UGT1A6: variants seen among roughly 807,000 people sequenced by gnomAD.
UGT1A6 encodes UDP-glucuronosyltransferase 1A6.
A neutral mutation model predicts 44.4 loss-of-function variants in UGT1A6; 32 were observed. The ratio of observed to expected loss-of-function variants is 0.72; its 90% CI spans 0.54 to 0.97. UGT1A6 has a LOEUF of 0.97. Among genes scored for constraint, UGT1A6 ranks in the 50% least tolerant of loss-of-function variants. UGT1A6 has a pLI of 0.00. For missense variants in UGT1A6, 685 were observed against 661.9 expected (o/e 1.03, Z -0.38); for synonymous variants, 238 against 248.5 (o/e 0.96, Z 0.40).
At chr2:233,694,006 G>A in intron 1 of UGT1A6, 141 bp downstream of exon 1, 1 of 1,466,280 alleles carries the variant, frequency 6.8e-7, no homozygotes, top group Non-Finnish European at 9.2e-7. Flanking sequence ...GCTCGGAGCA[G>A]CGGGAACACA....
intron 1 of UGT1A6, among the ~76,000 whole-genome samples, chr2:233,746,102 A>G (rs1005721725): frequency 1.5e-4 from 23 of 151,842 alleles, no homozygotes; most frequent in African/African-American, 5.4e-4. Flanking sequence ...ACATGTCCAG[A>G]GTGCTTACTG....
intron 1 of UGT1A6, among the ~76,000 whole-genome samples, chr2:233,763,104 C>A (rs548930615): frequency 6.6e-6 from 1 of 152,314 alleles, no homozygotes; most frequent in East Asian, 1.9e-4. Flanking sequence ...AGGCACCGAA[C>A]TTTATCAGCT....
At chr2:233,720,640 G>A (rs1212393027) in intron 1 of UGT1A6, among the ~76,000 whole-genome samples, 3 of 151,716 alleles carry the variant, frequency 2.0e-5, no homozygotes, top group Non-Finnish European at 4.4e-5. Context: ...TAGTACTCTG[G>A]GATGTGAAAA....
intron 1 of UGT1A6, among the ~76,000 whole-genome samples, chr2:233,739,420 AG>A (rs1432310727): frequency 3.3e-5 from 5 of 152,220 alleles, no homozygotes; most frequent in African/African-American, 1.2e-4. Flanking sequence ...GAAAGCAGCC[AG>A]GACGAGGGCT....
intron 1 of UGT1A6, among the ~76,000 whole-genome samples, chr2:233,720,156 G>A (rs547433908): frequency 5.6e-4 from 86 of 152,302 alleles, no homozygotes; most frequent in Non-Finnish European, 7.8e-4. Context: ...ACAGGAAGTA[G>A]AAGTGTCAAA....
At chr2:233,692,743 A>G, upstream of UGT1A6, 1 of 1,050,164 alleles carries the variant, frequency 9.5e-7, no homozygotes, top group Non-Finnish European at 1.3e-6. Context: ...GAGAGGGAGA[A>G]GCAGACTTGT....
chr2:233,715,087 T>C (rs2076431912), intron 1 of UGT1A6, among the ~76,000 whole-genome samples: 1 of 152,132 alleles, frequency 6.6e-6, no homozygotes, highest in Non-Finnish European at 1.5e-5. Context: ...AGTTTCATCA[T>C]ATTGGCCAGG....
In UGT1A6 at chr2:233,716,181, C is replaced by G. The variant is rs375271371; in HGVS notation, c.861+22316C>G. Among the ~76,000 whole-genome samples the G allele has an allele frequency of 1.4e-4, 21 of 152,300 alleles. No homozygotes were observed. In the East Asian group the frequency reaches 3.9e-3, roughly 28 times the overall value. On this transcript the variant is annotated intron_variant, in intron 1 of 4. Transcript: ENST00000305139. Reference sequence around the variant, plus strand: ...GAGATGCAGTGCAGCATCTTCAAGTCTCTAATTCTTACATCTGTCTCTTTC... The same window carrying G: ...GAGATGCAGTGCAGCATCTTCAAGTGTCTAATTCTTACATCTGTCTCTTTC...
intron 1 of UGT1A6, chr2:233,718,043 G>A (rs1022101837): frequency 1.5e-4 from 57 of 375,810 alleles, no homozygotes; most frequent in Non-Finnish European, 6.8e-5. Context: ...GTGAGCAGGA[G>A]CTCCCTGAAC....
chr2:233,734,986 T>C (rs946842672), intron 1 of UGT1A6, among the ~76,000 whole-genome samples: 1 of 152,248 alleles, frequency 6.6e-6, no homozygotes, highest in Non-Finnish European at 1.5e-5. Context: ...AGAATGTATA[T>C]TCTCTTGACT....
At chr2:233,714,594 T>C (rs2076398769) in intron 1 of UGT1A6, among the ~76,000 whole-genome samples, 1 of 152,248 alleles carries the variant, frequency 6.6e-6, no homozygotes. Flanking sequence ...ACTTTTCTAG[T>C]GGGCATGTTA....
chr2:233,709,457 A>G (rs1559356404), intron 1 of UGT1A6, among the ~76,000 whole-genome samples: 2 of 152,188 alleles, frequency 1.3e-5, no homozygotes, highest in East Asian at 1.9e-4. Flanking sequence ...TTTTAAAGCA[A>G]TCATTTTGGG....
At chr2:233,708,101 A>G (rs1377829159) in intron 1 of UGT1A6, among the ~76,000 whole-genome samples, 3 of 152,230 alleles carry the variant, frequency 2.0e-5, no homozygotes, top group African/African-American at 7.2e-5. Flanking sequence ...GAATTAGAAT[A>G]AACATCTTAG....
intron 1 of UGT1A6, among the ~76,000 whole-genome samples, chr2:233,732,581 G>T (rs2078286817): frequency 6.6e-6 from 1 of 152,170 alleles, no homozygotes; most frequent in African/African-American, 2.4e-5. Flanking sequence ...CCCATTGCTT[G>T]TTTTTGTCAG....
intron 1 of UGT1A6, among the ~76,000 whole-genome samples, chr2:233,698,183 T>C (rs2075430148): frequency 6.6e-6 from 1 of 152,224 alleles, no homozygotes; most frequent in African/African-American, 2.4e-5. Context: ...TGTATTATGA[T>C]ATGTAATTAT....
In UGT1A6 at chr2:233,772,530, A is replaced by G; in HGVS notation, c.1570A>G (p.Lys524Glu). The change falls in exon 5 of 5, where the codon AAG becomes GAG. Residue 524 changes from lysine (K) to glutamate (E), a missense_variant. By Grantham distance (56) the Lys-to-Glu change is moderately conservative (BLOSUM62 1). Transcript: ENST00000305139. ...ATGCTTGGGGAAAAAAGGGCGAGTT[A>G]AGAAAGCCCACAAATCCAAGACCCA... ...RKCLGKKGRVKKAHKSKTH is the reference protein window; with the variant it reads ...RKCLGKKGRVEKAHKSKTH 6.2e-7 allele frequency: 1 copy of G among 1,614,200 alleles called. No individual in the cohort carries two copies. The highest frequency in any genetic ancestry group is 2.2e-5 in the East Asian group (1 of 44,884).
At chr2:233,697,489 C>T (rs1191333347) in intron 1 of UGT1A6, among the ~76,000 whole-genome samples, 1 of 150,104 alleles carries the variant, frequency 6.7e-6, no homozygotes, top group Admixed American at 6.6e-5. Context: ...CAAGGTTTGC[C>T]AATTTTGTTT....
intron 1 of UGT1A6, among the ~76,000 whole-genome samples, chr2:233,716,575 T>C (rs760406565): frequency 1.3e-5 from 2 of 152,244 alleles, no homozygotes; most frequent in African/African-American, 4.8e-5. Flanking sequence ...TTAAAAACAA[T>C]ACTTTCAAAG....
At chr2:233,764,688 C>G (rs530219647) in intron 1 of UGT1A6, among the ~76,000 whole-genome samples, 2 of 152,144 alleles carry the variant, frequency 1.3e-5, no homozygotes, top group Non-Finnish European at 2.9e-5. Context: ...ACTTGAAGAG[C>G]ACTTGGAAAT....
Sources: gnomAD v4.1 joint callset for allele counts (sites outside exome capture counted in the v4.1 genomes callset) on GRCh38, gnomAD v4.1.1 for gene constraint, MANE v1.5 for transcripts, NCBI Gene and HGNC (gene_info 2026-07-23, HGNC 2026-07-21) for gene names.